TCERG1L: variants seen among roughly 807,000 people sequenced by gnomAD.
TCERG1L encodes the protein transcription elongation regulator 1-like protein.
A neutral mutation model predicts 56.3 loss-of-function variants in TCERG1L; 37 were observed. The ratio of observed to expected loss-of-function variants is 0.66; its 90% confidence interval spans 0.51 to 0.87. The LOEUF (loss-of-function observed/expected upper bound fraction) is 0.87. TCERG1L is among the 40% of genes least tolerant of loss of function. The probability of loss-of-function intolerance (pLI) is 0.00; values close to 1 mark genes in which losing one functional copy is unlikely to be tolerated. For synonymous variants in TCERG1L, 324 were observed against 326.3 expected, an observed-to-expected ratio of 0.99 and a Z score of 0.08; for missense variants, 799 against 774.2, an observed-to-expected ratio of 1.03 and a Z score of -0.38.
intron 8 of TCERG1L, among the ~76,000 whole-genome samples, chr10:131,129,531 T>C (rs1204913339): frequency 6.6e-6 from 1 of 152,170 alleles, no homozygotes; most frequent in African/African-American, 2.4e-5. Context: ...AAGTTATAAG[T>C]AGGTAAAATA....
rs532253615 is a variant in TCERG1L, at chr10:131,224,492, C to G, written c.856+35767G>C. Among the ~76,000 whole-genome samples, 29 of 152,310 alleles carry G rather than the reference C, an allele frequency of 1.9e-4. No individual in the cohort carries two copies. In the East Asian group the frequency reaches 4.6e-3, roughly 24 times the overall value. ...GGACCCAGGGAGTCAGGGGTTTTAT[C>G]TAATTCACCAGGGATCCTTGGTGGG... On this transcript the variant is annotated intron_variant, in intron 4 of 11. Coordinates refer to ENST00000368642, the MANE Select transcript of TCERG1L (RefSeq NM_174937.4).
At chr10:131,150,255 G>A (rs1845849632) in intron 6 of TCERG1L, among the ~76,000 whole-genome samples, 2 of 152,130 alleles carry the variant, frequency 1.3e-5, no homozygotes. Context: ...AGCCTCCAAC[G>A]GCCTCACCCA....
chr10:131,132,909 T>C (rs1589724168), intron 8 of TCERG1L, among the ~76,000 whole-genome samples: 1 of 152,156 alleles, frequency 6.6e-6, no homozygotes, highest in Non-Finnish European at 1.5e-5. Context: ...CCTCCCCACA[T>C]AGTGGCTCAC....
intron 1 of TCERG1L, 128 bp from the exon 2 acceptor site, chr10:131,309,427 A>C (rs1589780279): frequency 1.6e-5 from 20 of 1,262,144 alleles, no homozygotes; most frequent in Non-Finnish European, 2.1e-5. Context: ...TTATCAGATA[A>C]ATTTCCTCGA....
At chr10:131,263,006 T>C (rs1398983264) in intron 3 of TCERG1L, among the ~76,000 whole-genome samples, 2 of 152,134 alleles carry the variant, frequency 1.3e-5, no homozygotes, top group South Asian at 4.1e-4. Context: ...TGATAGCTCA[T>C]TTCTTTTTAT....
chr10:131,104,424 C>A, intron 9 of TCERG1L, 70 bp from the exon 10 acceptor site: 1 of 1,030,436 alleles, frequency 9.7e-7, no homozygotes, highest in Non-Finnish European at 1.5e-6. Flanking sequence ...CTGAAATGAT[C>A]CACAGTTAAA....
At chr10:131,256,646 G>A (rs927074509) in intron 4 of TCERG1L, among the ~76,000 whole-genome samples, 1 of 152,096 alleles carries the variant, frequency 6.6e-6, no homozygotes, top group African/African-American at 2.4e-5. Flanking sequence ...AGCACTTGGG[G>A]AGGCGGAGGT....
At chr10:131,194,070 C>T (rs1425151459) in intron 4 of TCERG1L, among the ~76,000 whole-genome samples, 1 of 152,034 alleles carries the variant, frequency 6.6e-6, no homozygotes, top group African/African-American at 2.4e-5. Flanking sequence ...CAACCCCCAG[C>T]GGCGTGCCTA....
intron 7 of TCERG1L, 130 bp downstream of exon 7, chr10:131,146,376 T>C: frequency 9.4e-7 from 1 of 1,059,558 alleles, no homozygotes; most frequent in Non-Finnish European, 1.3e-6. Context: ...AACTCTGCAA[T>C]CGGGCACAGG....
In TCERG1L at chr10:131,205,513, G is replaced by A. The variant is rs541951982; in HGVS notation, c.857-38628C>T. 1.3e-3 allele frequency among the ~76,000 whole-genome samples: 194 copies of A among 152,314 alleles called. 2 individuals are homozygous for A. Among genetic ancestry groups the A allele is most frequent in the African/African-American group, 4.5e-3 (187 of 41,568 alleles). ...CTGTGGAATTGCCTCATTCCAGCCT[G>A]TATCTCACATTAGGGAATTTTGTAA... is the stretch of plus-strand genomic sequence containing the variant. On this transcript the variant is annotated intron_variant, in intron 4 of 11. Transcript: ENST00000368642.
intron 4 of TCERG1L, among the ~76,000 whole-genome samples, chr10:131,211,063 G>A (rs776749033): frequency 1.3e-5 from 2 of 152,204 alleles, no homozygotes; most frequent in African/African-American, 2.4e-5. Flanking sequence ...CCTTCTGAAC[G>A]TTTGTTCTCT....
intron 3 of TCERG1L, among the ~76,000 whole-genome samples, chr10:131,306,726 C>T (rs963292455): frequency 1.3e-5 from 2 of 151,994 alleles, no homozygotes; most frequent in African/African-American, 4.8e-5. Flanking sequence ...AAAATCAATA[C>T]AAATATGTTT....
chr10:131,171,119 T>C (rs1023779158), intron 4 of TCERG1L, among the ~76,000 whole-genome samples: 18 of 150,136 alleles, frequency 1.2e-4, no homozygotes, highest in Admixed American at 1.0e-3. Flanking sequence ...CATTCCAGCC[T>C]GGGTGACAGA....
chr10:131,234,734 T>C (rs1845895630), intron 4 of TCERG1L, among the ~76,000 whole-genome samples: 1 of 151,002 alleles, frequency 6.6e-6, no homozygotes, highest in Non-Finnish European at 1.5e-5. Flanking sequence ...CGGAGTCTTC[T>C]TGCTCTATCA....
intron 4 of TCERG1L, among the ~76,000 whole-genome samples, chr10:131,215,032 C>G (rs1389848895): frequency 6.6e-6 from 1 of 152,162 alleles, no homozygotes; most frequent in East Asian, 1.9e-4. Context: ...TGGGCGGTTC[C>G]CGAGATTGCA....
rs1846172617 is a variant in TCERG1L at position 131,256,989 on chromosome 10, G to GA, written c.856+3269dup. Among the ~76,000 whole-genome samples the GA allele has an allele frequency of 6.4e-3, 446 of 69,906 alleles. 1 individual carries two copies. Among genetic ancestry groups the GA allele is most frequent in the South Asian group, 0.011 (23 of 2,158 alleles). The allele number at this position is 69,906 out of a possible 152,430, so 45.9% of individuals were successfully genotyped here. On this transcript the variant is annotated intron_variant, in intron 4 of 11. Coordinates refer to ENST00000368642, the MANE Select transcript of TCERG1L (RefSeq NM_174937.4). ...GGAAGGAAGGAAGGAAGGAAGGAAG[G>GA]AAGGAAAGAAAGAAAGAAAGAAAGA...
rs189496956 is a variant in TCERG1L at position 131,225,801 on chromosome 10, T to C, written c.856+34458A>G. Among the ~76,000 whole-genome samples, 407 of 151,964 alleles carry C rather than the reference T, an allele frequency of 2.7e-3. 1 individual carries two copies. The highest frequency in any genetic ancestry group is 4.8e-3 in the Admixed American group (74 of 15,270). ...GCTAGGTTTCCGATAAACGCAAGTG[T>C]GATTGGCCTCAGAAATGCAGTTTCA... On this transcript the variant is annotated intron_variant, in intron 4 of 11. Coordinates refer to ENST00000368642, the MANE Select transcript of TCERG1L (RefSeq NM_174937.4).
chr10:131,135,513 GCT>G (rs1845665683), intron 7 of TCERG1L, among the ~76,000 whole-genome samples: 1 of 152,186 alleles, frequency 6.6e-6, no homozygotes, highest in Non-Finnish European at 1.5e-5. Flanking sequence ...CCCAATAATG[GCT>G]CTGTTACCAG....
In TCERG1L at chr10:131,187,725, CCAAGAG is replaced by C. The variant is rs541753825; in HGVS notation, c.857-20846_857-20841del. Among the ~76,000 whole-genome samples, 358 of 152,316 alleles carry C rather than the reference CCAAGAG, an allele frequency of 2.4e-3. 1 individual carries two copies. Among genetic ancestry groups the C allele is most frequent in the African/African-American group, 8.2e-3 (340 of 41,580 alleles). ...CTGAGCTGCAACTACAATACTGCCC[CCAAGAG>C]AGGACGCTGGGGTCAGTTTGTTCGC... On this transcript the variant is annotated intron_variant, in intron 4 of 11. Transcript: ENST00000368642.
Sources: gnomAD v4.1 joint callset for allele counts (sites outside exome capture counted in the v4.1 genomes callset) on GRCh38, gnomAD v4.1.1 for gene constraint, MANE v1.5 for transcripts, NCBI Gene and HGNC (gene_info 2026-07-23, HGNC 2026-07-21) for gene names.